STX8: variants seen among roughly 807,000 people sequenced by gnomAD.
STX8 encodes syntaxin-8.
Under a neutral mutation model 37.5 loss-of-function variants are expected in STX8, and 23 were observed. The ratio of observed to expected loss-of-function variants is 0.61; its 90% CI spans 0.44 to 0.87. The LOEUF (loss-of-function observed/expected upper bound fraction) is 0.87. Ranked by LOEUF, STX8 falls within the 40% of genes least tolerant of loss-of-function variation. The pLI, the probability that STX8 is intolerant of heterozygous loss-of-function variation, is 0.00. For synonymous variants in STX8, 115 were observed against 99.1 expected, an observed-to-expected ratio of 1.16 and a Z score of -0.95; for missense variants, 313 against 284.7, an observed-to-expected ratio of 1.10 and a Z score of -0.71.
At chr17:9,316,187 CTAAGTA>C (rs1909376512) in intron 7 of STX8, among the ~76,000 whole-genome samples, 1 of 152,026 alleles carries the variant, frequency 6.6e-6, no homozygotes, top group African/African-American at 2.4e-5. Flanking sequence ...TGAACTTTGT[CTAAGTA>C]TGATACTGTA....
intron 6 of STX8, 102 bp downstream of exon 6, chr17:9,491,727 A>C: frequency 5.0e-6 from 5 of 1,001,664 alleles, no homozygotes; most frequent in Non-Finnish European, 7.5e-6. Context: ...TTGACATTAA[A>C]CCACTTTACA....
chr17:9,410,359 CG>C (rs1567548330), intron 6 of STX8, among the ~76,000 whole-genome samples: 1 of 152,084 alleles, frequency 6.6e-6, no homozygotes, highest in African/African-American at 2.4e-5. Flanking sequence ...TAAAATTGTA[CG>C]TTTCCTTCCT....
Position 9,545,244 on chromosome 17 carries a change from T to C in STX8, c.251A>G (p.Asp84Gly). 1 of 1,614,202 alleles carries C rather than the reference T, an allele frequency of 6.2e-7. No individual in the cohort carries two copies. Among genetic ancestry groups the C allele is most frequent in the Non-Finnish European group, 8.5e-7 (1 of 1,180,034 alleles). ...LEGDRRQNLL[D>G]DLVTRERLLL... The stretch of plus-strand genomic sequence containing the variant: ...TAGTCTCTCTCGAGTTACAAGATCA[T>C]CCAAGAGGTTCTGTCTTCGGTCCCC... Residue 84 changes from aspartate to glycine, a missense_variant, in exon 4 of 8, where the codon GAT becomes GGT. Asp to Gly is a moderately conservative substitution (Grantham distance 94, BLOSUM62 -1). Coordinates refer to ENST00000306357, the MANE Select transcript of STX8 (RefSeq NM_004853.3).
At chr17:9,427,881 C>G (rs944454444) in intron 6 of STX8, among the ~76,000 whole-genome samples, 3 of 152,166 alleles carry the variant, frequency 2.0e-5, no homozygotes, top group African/African-American at 7.2e-5. Flanking sequence ...TCTTTCCTTT[C>G]TTGCTGAAGG....
At chr17:9,519,108 G>A (rs11651243) in intron 4 of STX8, among the ~76,000 whole-genome samples, 89,252 of 151,790 alleles carry the variant, frequency 0.59, 26,716 homozygotes, top group East Asian at 0.82. Flanking sequence ...GGCAAAGCAC[G>A]TCCTCCCACC....
intron 7 of STX8, among the ~76,000 whole-genome samples, chr17:9,309,252 T>C (rs1909108438): frequency 6.6e-6 from 1 of 152,208 alleles, no homozygotes; most frequent in African/African-American, 2.4e-5. Flanking sequence ...CAAACATTTT[T>C]GAGATTTCAG....
chr17:9,544,721 A>C (rs573677203), intron 4 of STX8, among the ~76,000 whole-genome samples: 32 of 152,212 alleles, frequency 2.1e-4, no homozygotes, highest in Non-Finnish European at 3.7e-4. Flanking sequence ...GGCCGGGCGC[A>C]GTGGCTCACA....
At chr17:9,359,503 A>ATTTTT (rs145808683) in intron 7 of STX8, among the ~76,000 whole-genome samples, 20 of 91,738 alleles carry the variant, frequency 2.2e-4, no homozygotes, top group African/African-American at 8.8e-4. Flanking sequence ...GCTGAGACAT[A>ATTTTT]TTTTTTTTTT....
intron 6 of STX8, among the ~76,000 whole-genome samples, chr17:9,462,164 C>A (rs1281673285): frequency 6.6e-6 from 1 of 152,064 alleles, no homozygotes; most frequent in African/African-American, 2.4e-5. Flanking sequence ...ATCAGGGGAA[C>A]AAACATGACA....
chr17:9,285,479 G>C (rs1425004923), intron 7 of STX8, among the ~76,000 whole-genome samples: 2 of 151,782 alleles, frequency 1.3e-5, no homozygotes, highest in Non-Finnish European at 2.9e-5. Context: ...CTGGACTGCT[G>C]GGTGTCTTCA....
intron 7 of STX8, among the ~76,000 whole-genome samples, chr17:9,349,538 T>C (rs1407439761): frequency 6.6e-6 from 1 of 152,032 alleles, no homozygotes; most frequent in Non-Finnish European, 1.5e-5. Context: ...GCCAGGCTGG[T>C]CTCGAACTCC....
At chr17:9,341,682 C>T (rs922965456) in intron 7 of STX8, among the ~76,000 whole-genome samples, 3 of 152,136 alleles carry the variant, frequency 2.0e-5, no homozygotes, top group East Asian at 1.9e-4. Context: ...GGTAATCTGC[C>T]GGCTTCGGCC....
chr17:9,325,284 C>T (rs1909716493), intron 7 of STX8, among the ~76,000 whole-genome samples: 1 of 152,120 alleles, frequency 6.6e-6, no homozygotes, highest in African/African-American at 2.4e-5. Flanking sequence ...TATAGTTATA[C>T]CTCAAGTTGT....
At chr17:9,269,974 G>T (rs1376606712) in intron 7 of STX8, among the ~76,000 whole-genome samples, 1 of 152,148 alleles carries the variant, frequency 6.6e-6, no homozygotes, top group African/African-American at 2.4e-5. Flanking sequence ...AACACATGCG[G>T]TACAGAAATT....
At chr17:9,386,658 T>C (rs1912025558) in intron 6 of STX8, among the ~76,000 whole-genome samples, 1 of 152,108 alleles carries the variant, frequency 6.6e-6, no homozygotes, top group South Asian at 2.1e-4. Context: ...TGCAATCACC[T>C]TGTAGTTCCT....
intron 7 of STX8, among the ~76,000 whole-genome samples, chr17:9,275,945 T>C (rs1907660563): frequency 6.6e-6 from 1 of 152,076 alleles, no homozygotes; most frequent in Non-Finnish European, 1.5e-5. Flanking sequence ...ATAATGTCAA[T>C]GACACAGTAA....
chr17:9,498,815 A>G lies in STX8; in HGVS notation c.448+6223T>C, dbSNP rs73973789. 4.8e-3 allele frequency among the ~76,000 whole-genome samples: 738 copies of G among 152,328 alleles called. 3 individuals are homozygous for G. Among genetic ancestry groups the G allele is most frequent in the African/African-American group, 0.017 (694 of 41,582 alleles). ...CCATCAAGAAAGACCTCCTGGGTGA[A>G]GGTGGAATGACACTTCATACTTCTC... On this transcript the variant is annotated intron_variant, in intron 5 of 7. Coordinates refer to ENST00000306357, the MANE Select transcript of STX8 (RefSeq NM_004853.3).
chr17:9,304,582 T>C (rs1263584796), intron 7 of STX8, among the ~76,000 whole-genome samples: 1 of 151,894 alleles, frequency 6.6e-6, no homozygotes, highest in Non-Finnish European at 1.5e-5. Flanking sequence ...CTCTTAGGTT[T>C]AATCATATGA....
Position 9,346,284 on chromosome 17 carries a change from C to T in STX8, c.643+32268G>A, listed in dbSNP as rs190253389. Among the ~76,000 whole-genome samples the T allele has an allele frequency of 2.0e-3, 311 of 152,112 alleles. 2 individuals are homozygous for T. Among genetic ancestry groups the T allele is most frequent in the Admixed American group, 3.7e-3 (56 of 15,250 alleles). The stretch of plus-strand genomic sequence containing the variant: ...TCAGTATCACTCTTGGCTCCTTTTC[C>T]TCCTCTCTCAACTTTTATATTTCCT... On this transcript the variant is annotated intron_variant, in intron 7 of 7. Transcript: ENST00000306357.
Sources: allele counts gnomAD v4.1 joint callset (sites outside exome capture counted in the v4.1 genomes callset), GRCh38; gene constraint gnomAD v4.1.1; transcripts MANE v1.5; gene names NCBI Gene and HGNC (gene_info 2026-07-23, HGNC 2026-07-21).